The following ITFG1 variants were observed in gnomAD, a reference collection of about 807,000 sequenced individuals.
ITFG1 encodes integrin alpha FG-GAP repeat containing 1.
Under a neutral mutation model 81.8 loss-of-function variants are expected in ITFG1, and 34 were observed. That is an observed-to-expected ratio of 0.42 (90% CI 0.32 to 0.55). The LOEUF (loss-of-function observed/expected upper bound fraction) is 0.55. ITFG1 is among the 20% of genes least tolerant of loss of function. ITFG1 has a pLI of 0.17. For synonymous variants in ITFG1, 285 were observed against 270.6 expected (o/e 1.05, Z -0.52); for missense variants, 672 against 755.4 (o/e 0.89, Z 1.29).
chr16:47,354,222 A>T (rs1179530468), intron 8 of ITFG1, among the ~76,000 whole-genome samples: 2 of 152,164 alleles, frequency 1.3e-5, no homozygotes, highest in African/African-American at 4.8e-5. Context: ...CCAATAGAAC[A>T]GAATATGAAT....
intron 1 of ITFG1, among the ~76,000 whole-genome samples, chr16:47,460,555 G>A (rs1841670731): frequency 6.6e-6 from 1 of 152,164 alleles, no homozygotes; most frequent in South Asian, 2.1e-4. Flanking sequence ...GGGGAGGAGG[G>A]GGTAAGGTGA....
At chr16:47,244,266 G>C (rs1362000034) in intron 12 of ITFG1, among the ~76,000 whole-genome samples, 1 of 152,184 alleles carries the variant, frequency 6.6e-6, no homozygotes, top group Non-Finnish European at 1.5e-5. Flanking sequence ...TCAAACCCGA[G>C]GAGGGGGTCA....
chr16:47,192,099 T>C (rs1965300225), intron 14 of ITFG1, among the ~76,000 whole-genome samples: 1 of 152,222 alleles, frequency 6.6e-6, no homozygotes, highest in African/African-American at 2.4e-5. Flanking sequence ...TTAAATTCCC[T>C]GTCTCTATAA....
rs116026658 is a variant in ITFG1 at position 47,270,869 on chromosome 16, G to A, written c.1071-10174C>T. Among the ~76,000 whole-genome samples, 501 of 151,498 alleles carry A rather than the reference G, an allele frequency of 3.3e-3. 3 individuals are homozygous for A. The highest frequency in any genetic ancestry group is 0.012 in the African/African-American group (471 of 40,848). ...TAGAAAATGCAATCTAATCTACAGC[G>A]ACAGAAAGCAGATCAGTGGTTTCCT... On this transcript the variant is annotated intron_variant, in intron 10 of 17. Transcript: ENST00000320640.
chr16:47,413,256 C>T (rs1968833536), intron 6 of ITFG1, among the ~76,000 whole-genome samples: 1 of 152,156 alleles, frequency 6.6e-6, no homozygotes, highest in Non-Finnish European at 1.5e-5. Context: ...TTCTGCCAAA[C>T]AAAACTTCTT....
intron 14 of ITFG1, among the ~76,000 whole-genome samples, chr16:47,167,163 T>C (rs1308457685): frequency 6.6e-6 from 1 of 152,198 alleles, no homozygotes; most frequent in African/African-American, 2.4e-5. Context: ...ATACCTCATA[T>C]AGAAGGTACC....
intron 12 of ITFG1, among the ~76,000 whole-genome samples, chr16:47,241,689 C>T (rs572854001): frequency 6.6e-6 from 1 of 152,120 alleles, no homozygotes; most frequent in Non-Finnish European, 1.5e-5. Context: ...GGCGCGGTGG[C>T]TCATGCCTGT....
Position 47,396,524 on chromosome 16 carries a change from T to TGTGTGTGTGTGTGTGTGTGTGTGTGTGTG in ITFG1, c.656-20585_656-20584insCACACACACACACACACACACACACACAC, listed in dbSNP as rs1555514103. 6.5e-3 allele frequency among the ~76,000 whole-genome samples: 965 copies of TGTGTGTGTGTGTGTGTGTGTGTGTGTGTG among 149,156 alleles called. 9 individuals are homozygous for TGTGTGTGTGTGTGTGTGTGTGTGTGTGTG. The highest frequency in any genetic ancestry group is 0.014 in the African/African-American group (566 of 40,260). On this transcript the variant is annotated intron_variant, in intron 6 of 17. Coordinates refer to ENST00000320640, the MANE Select transcript of ITFG1 (RefSeq NM_030790.5). ...ACAGTCTCCTAACCTAATAATTATT[T>TGTGTGTGTGTGTGTGTGTGTGTGTGTGTG]TGTGTGTGTGTGTGTGTGTGAAAGA...
At position 47,433,770 on chromosome 16, in the gene ITFG1, AATATAT is replaced by A. The variant is rs59030134; in HGVS notation, c.561-4878_561-4873del. ...TGCATTTTAAGATGAATAAAAACTG[AATATAT>A]ATATATATATATATATACACACACA... On this transcript the variant is annotated intron_variant, in intron 5 of 17. Coordinates refer to ENST00000320640, the MANE Select transcript of ITFG1 (RefSeq NM_030790.5). Among the ~76,000 whole-genome samples the A allele has an allele frequency of 2.1e-3, 267 of 124,472 alleles. 2 individuals carry two copies. The highest frequency in any genetic ancestry group is 2.0e-3 in the Non-Finnish European group (120 of 60,382). The allele number at this position is 124,472 out of a possible 152,430, so 81.7% of individuals were successfully genotyped here.
intron 2 of ITFG1, among the ~76,000 whole-genome samples, chr16:47,456,099 C>T (rs1262512539): frequency 6.6e-6 from 1 of 151,960 alleles, no homozygotes; most frequent in Non-Finnish European, 1.5e-5. Flanking sequence ...CTTTGGGAGG[C>T]GAAGGTGGGA....
chr16:47,402,641 C>T (rs1313452771), intron 6 of ITFG1, among the ~76,000 whole-genome samples: 1 of 152,188 alleles, frequency 6.6e-6, no homozygotes, highest in Non-Finnish European at 1.5e-5. Context: ...ATCAAATGCC[C>T]AGTTGACTAA....
chr16:47,345,339 C>T (rs1419854266), intron 8 of ITFG1, among the ~76,000 whole-genome samples: 3 of 150,732 alleles, frequency 2.0e-5, no homozygotes, highest in Non-Finnish European at 4.4e-5. Context: ...CTCACTCTGT[C>T]GCCCAGGCTG....
intron 5 of ITFG1, among the ~76,000 whole-genome samples, chr16:47,440,748 T>C (rs537204881): frequency 3.0e-4 from 46 of 151,994 alleles, no homozygotes; most frequent in South Asian, 6.3e-4. Context: ...AGATCTAAAA[T>C]TGACACCCTA....
intron 14 of ITFG1, among the ~76,000 whole-genome samples, chr16:47,217,473 C>T (rs752093098): frequency 6.6e-6 from 1 of 152,210 alleles, no homozygotes; most frequent in Non-Finnish European, 1.5e-5. Context: ...TCTGCATCTT[C>T]AAAGTCTAAA....
intron 10 of ITFG1, among the ~76,000 whole-genome samples, chr16:47,271,288 C>CATTTA (rs1356678003): frequency 6.6e-6 from 1 of 151,724 alleles, no homozygotes; most frequent in African/African-American, 2.4e-5. Context: ...ACAAATAACC[C>CATTTA]AATTATTAAA....
At chr16:47,437,958 C>T (rs149052221) in intron 5 of ITFG1, among the ~76,000 whole-genome samples, 10,448 of 152,244 alleles carry the variant, frequency 0.069, 602 homozygotes, top group African/African-American at 0.15. Context: ...ACAGATGGCA[C>T]CTGGAAAAAC....
chr16:47,278,044 T>C (rs1044285675), intron 10 of ITFG1, among the ~76,000 whole-genome samples: 2 of 152,188 alleles, frequency 1.3e-5, no homozygotes, highest in Non-Finnish European at 2.9e-5. Context: ...ACCAATTATT[T>C]ATTCACATAT....
intron 8 of ITFG1, among the ~76,000 whole-genome samples, chr16:47,345,159 C>T (rs914798564): frequency 3.3e-5 from 5 of 152,108 alleles, no homozygotes; most frequent in African/African-American, 1.2e-4. Flanking sequence ...AGTCATCTAA[C>T]TCAGAGGTGT....
Position 47,451,436 on chromosome 16 carries a change from T to C in ITFG1, c.520A>G (p.Ile174Val). ...NGDLIPDIFG[I>V]TNESNQPQIL... ...TGTGGCTGGTTGGATTCATTTGTGA[T>C]ACCAAAAATATCAGGAATTAGATCA... Residue 174 changes from isoleucine to valine, a missense_variant, in exon 5 of 18, where the codon ATC (isoleucine) becomes GTC (valine). This residue lies in a region of ITFG1 where 560 missense variants were observed against 625.7 expected (regional missense o/e 0.90). Transcript: ENST00000320640. 6.3e-7 allele frequency: 1 copy of C among 1,587,288 alleles called. No individual in the cohort carries two copies. The highest frequency in any genetic ancestry group is 8.6e-7 in the Non-Finnish European group (1 of 1,156,472).
Sources: allele counts gnomAD v4.1 joint callset (sites outside exome capture counted in the v4.1 genomes callset), GRCh38; gene constraint gnomAD v4.1.1; regional missense constraint gnomAD v4.1.1; transcripts MANE v1.5; gene names NCBI Gene and HGNC (gene_info 2026-07-23, HGNC 2026-07-21).